The following GABRR2 variants were observed in gnomAD, a reference collection of about 807,000 sequenced individuals.
The protein encoded by GABRR2 is gamma-aminobutyric acid receptor subunit rho-2.
In GABRR2, 36 loss-of-function variants were observed where a neutral mutation model predicts 47.0. The observed-to-expected ratio is 0.77, with a 90% CI of 0.59 to 1.01. The LOEUF (loss-of-function observed/expected upper bound fraction) is 1.01. Among genes scored for constraint, GABRR2 ranks in the 50% least tolerant of loss-of-function variants. The pLI is 0.00. For synonymous variants in GABRR2, 204 were observed against 227.5 expected, an observed-to-expected ratio of 0.90 and a Z score of 0.93; for missense variants, 587 against 594.6, an observed-to-expected ratio of 0.99 and a Z score of 0.13.
chr6:89,315,172 G>C lies in GABRR2; in HGVS notation c.-7C>G, dbSNP rs559378545. 6.2e-7 allele frequency: 1 copy of C among 1,613,770 alleles called. No individual in the cohort carries two copies. The highest frequency in any genetic ancestry group is 1.3e-5 in the African/African-American group (1 of 75,006). On this transcript the variant is annotated 5_prime_UTR_variant, in exon 1 of 9. Coordinates refer to ENST00000402938, the MANE Select transcript of GABRR2 (RefSeq NM_002043.5). ...GTCTTGTAAAATAAGGCATTTTGTG[G>C]ACATCTGTGAGGCAAAAAGCTGCTT...
intron 2 of GABRR2, among the ~76,000 whole-genome samples, chr6:89,296,865 CG>C (rs1293955453): frequency 2.0e-5 from 3 of 152,232 alleles, no homozygotes; most frequent in Non-Finnish European, 4.4e-5. Flanking sequence ...ATAAGGCTTT[CG>C]CTTTTGCAGC....
intron 3 of GABRR2, chr6:89,269,452 C>A (rs529888816): frequency 5.4e-6 from 3 of 556,810 alleles, no homozygotes; most frequent in Admixed American, 3.1e-5. Context: ...ACTGAGCAAC[C>A]AGCCCCTCAG....
chr6:89,306,899 C>G (rs1767569087), intron 1 of GABRR2, among the ~76,000 whole-genome samples: 1 of 150,418 alleles, frequency 6.6e-6, no homozygotes, highest in Admixed American at 6.6e-5. Context: ...GGCTAATCCA[C>G]AGTACGTTAC....
chr6:89,259,894 T>G (rs1302934932), intron 8 of GABRR2, among the ~76,000 whole-genome samples: 1 of 148,462 alleles, frequency 6.7e-6, no homozygotes, highest in African/African-American at 2.5e-5. Flanking sequence ...TTTTTTTTTT[T>G]TTTTGTTTTT....
intron 2 of GABRR2, among the ~76,000 whole-genome samples, chr6:89,278,265 A>G (rs1174665615): frequency 1.3e-5 from 2 of 152,222 alleles, no homozygotes; most frequent in East Asian, 1.9e-4. Context: ...GAAGGAAGTA[A>G]TGGCCAAAAG....
At chr6:89,293,662 C>T (rs1774506987) in intron 2 of GABRR2, among the ~76,000 whole-genome samples, 1 of 152,198 alleles carries the variant, frequency 6.6e-6, no homozygotes, top group African/African-American at 2.4e-5. Context: ...TGGTGCACGC[C>T]TATAGCCCCA....
chr6:89,263,316 C>T (rs1452617918), intron 8 of GABRR2, among the ~76,000 whole-genome samples: 2 of 152,092 alleles, frequency 1.3e-5, no homozygotes, highest in Admixed American at 1.3e-4. Flanking sequence ...AATACATATA[C>T]AAAATATGTA....
chr6:89,270,872 C>A (rs1482691880), intron 3 of GABRR2, among the ~76,000 whole-genome samples: 1 of 152,158 alleles, frequency 6.6e-6, no homozygotes, highest in Non-Finnish European at 1.5e-5. Context: ...TATAGTCAAG[C>A]ATGGAAGACA....
At position 89,299,784 on chromosome 6, in the gene GABRR2, G is replaced by A; in HGVS notation, c.195C>T (p.Asp65=). The change falls in exon 2 of 9, where the codon GAC becomes GAT. Residue 65 remains aspartate (D), a synonymous_variant. Transcript: ENST00000402938. ...CTCCGAAGGCGGGTCTCATGCTGAA[G>A]TCGTGCTCGTCCACTCTGAGAAGCT... ...PQQLLRVDEH[D]FSMRPAFGGP... is the part of the protein sequence containing the mutation. 1.2e-6 allele frequency: 2 copies of A among 1,613,828 alleles called. No homozygotes were observed. The highest frequency in any genetic ancestry group is 1.7e-6 in the Non-Finnish European group (2 of 1,179,720).
At position 89,257,587 on chromosome 6, in the gene GABRR2, G is replaced by A. The variant is rs1224825621; in HGVS notation, c.*83C>T. 20 of 1,092,972 alleles carry A rather than the reference G, an allele frequency of 1.8e-5. 1 individual carries two copies. Among genetic ancestry groups the A allele is most frequent in the South Asian group, 1.6e-4 (10 of 63,982 alleles). 67.7% of individuals were successfully genotyped at this position (1,092,972 alleles called of 1,614,324 possible). A position where few individuals can be genotyped will look rare whatever the true frequency, so the allele number is the denominator to read the frequency against. ...GCTGCTGCATTGTTTGGTGAGGGGC[G>A]TGTGGTCAACAAGTCCGTCTGTCAA... is the stretch of plus-strand genomic sequence containing the variant. On this transcript the variant is annotated 3_prime_UTR_variant, in exon 9 of 9. Transcript: ENST00000402938.
chr6:89,273,892 C>T (rs1774108717), intron 2 of GABRR2, among the ~76,000 whole-genome samples: 1 of 152,238 alleles, frequency 6.6e-6, no homozygotes, highest in East Asian at 1.9e-4. Flanking sequence ...CCTACTTTCT[C>T]TAAAGTGCCA....
chr6:89,260,911 C>T (rs1175101210), intron 8 of GABRR2, among the ~76,000 whole-genome samples: 1 of 152,222 alleles, frequency 6.6e-6, no homozygotes, highest in Non-Finnish European at 1.5e-5. Flanking sequence ...TGCCTTCTCA[C>T]CTCTGTCTGC....
chr6:89,298,055 T>C (rs1774587300), intron 2 of GABRR2, among the ~76,000 whole-genome samples: 1 of 152,188 alleles, frequency 6.6e-6, no homozygotes, highest in South Asian at 2.1e-4. Flanking sequence ...TAAAATTCCT[T>C]GGCAGGCTTG....
intron 1 of GABRR2, chr6:89,302,523 G>A: frequency 1.2e-6 from 1 of 816,612 alleles, no homozygotes; most frequent in Non-Finnish European, 2.0e-6. Context: ...ATGCGGACCT[G>A]CACAAGCTGG....
chr6:89,287,470 G>T, intron 2 of GABRR2, among the ~76,000 whole-genome samples: 1 of 152,246 alleles, frequency 6.6e-6, no homozygotes, highest in East Asian at 1.9e-4. Flanking sequence ...CAGGCCCACT[G>T]GCTCCTCAGG....
chr6:89,274,820 C>T (rs779835593), intron 2 of GABRR2, among the ~76,000 whole-genome samples: 5 of 151,806 alleles, frequency 3.3e-5, no homozygotes, highest in African/African-American at 9.7e-5. Flanking sequence ...AAGCTGTGAG[C>T]GTGCGCCACT....
At chr6:89,284,414 C>T (rs1774300500) in intron 2 of GABRR2, among the ~76,000 whole-genome samples, 1 of 152,180 alleles carries the variant, frequency 6.6e-6, no homozygotes, top group African/African-American at 2.4e-5. Flanking sequence ...GAACTAAGAA[C>T]ATGTGCAGAT....
intron 1 of GABRR2, among the ~76,000 whole-genome samples, chr6:89,314,274 G>T (rs754171752): frequency 1.3e-5 from 2 of 152,180 alleles, no homozygotes; most frequent in Non-Finnish European, 2.9e-5. Context: ...TGTGTAACAT[G>T]CCACACATGG....
intron 8 of GABRR2, among the ~76,000 whole-genome samples, chr6:89,263,983 G>A (rs1773815850): frequency 6.6e-6 from 1 of 152,122 alleles, no homozygotes. Flanking sequence ...TCCCTTCTCT[G>A]GTCATAAGAC....
Sources: allele counts gnomAD v4.1 joint callset (sites outside exome capture counted in the v4.1 genomes callset), GRCh38; gene constraint gnomAD v4.1.1; transcripts MANE v1.5; gene names NCBI Gene and HGNC (gene_info 2026-07-23, HGNC 2026-07-21).